The following RPH3A variants were observed in gnomAD, a reference collection of about 807,000 sequenced individuals.
RPH3A encodes rabphilin-3A.
In RPH3A, 48 loss-of-function variants were observed where a neutral mutation model predicts 102.2. The observed-to-expected ratio is 0.47, with a 90% CI of 0.37 to 0.60. RPH3A has a LOEUF of 0.60. RPH3A is among the 20% of genes least tolerant of loss of function. The pLI is 0.00. For synonymous variants in RPH3A, 310 were observed against 324.3 expected, an observed-to-expected ratio of 0.96 and a Z score of 0.47; for missense variants, 781 against 910.1, an observed-to-expected ratio of 0.86 and a Z score of 1.83.
At chr12:112,886,157 T>C (rs1176783761) in intron 16 of RPH3A, among the ~76,000 whole-genome samples, 1 of 152,132 alleles carries the variant, frequency 6.6e-6, no homozygotes, top group African/African-American at 2.4e-5. Flanking sequence ...AGTGCGGTAC[T>C]TTTACAGTCC....
intron 2 of RPH3A, among the ~76,000 whole-genome samples, chr12:112,798,230 G>GT (rs1307330316): frequency 6.6e-6 from 1 of 152,162 alleles, no homozygotes; most frequent in Non-Finnish European, 1.5e-5. Context: ...AGGAAGCTGG[G>GT]TTTTTTACCA....
chr12:112,617,335 G>C (rs2039688273), intron 1 of RPH3A, among the ~76,000 whole-genome samples: 1 of 152,112 alleles, frequency 6.6e-6, no homozygotes, highest in Non-Finnish European at 1.5e-5. Flanking sequence ...GGCTCCTTGG[G>C]GTGGCTCAGC....
chr12:112,693,418 C>T (rs969346597), intron 1 of RPH3A, among the ~76,000 whole-genome samples: 1 of 152,198 alleles, frequency 6.6e-6, no homozygotes, highest in Non-Finnish European at 1.5e-5. Context: ...TCTTTGGAAC[C>T]TTTCTGATGC....
chr12:112,610,036 C>T (rs1592905484), intron 1 of RPH3A, among the ~76,000 whole-genome samples: 1 of 152,184 alleles, frequency 6.6e-6, no homozygotes, highest in Admixed American at 6.5e-5. Context: ...TGACCGTGCC[C>T]TGCTCTCCCA....
Position 112,723,444 on chromosome 12 carries a change from G to A in RPH3A, c.-139-68699G>A, listed in dbSNP as rs571941916. The stretch of plus-strand genomic sequence containing the variant: ...AGTTTACATAGTCTGTTTACAAGAT[G>A]AATCATCTGTCTGAAACGGTGGGCA... On this transcript the variant is annotated intron_variant, in intron 1 of 21. Coordinates refer to the RPH3A transcript ENST00000543106. Among the ~76,000 whole-genome samples the A allele has an allele frequency of 5.9e-5, 9 of 152,286 alleles. No homozygotes were observed. The South Asian group carries it at 1.9e-3, about 32-fold the overall frequency.
chr12:112,725,131 C>T (rs1463585512), intron 1 of RPH3A, among the ~76,000 whole-genome samples: 4 of 151,666 alleles, frequency 2.6e-5, no homozygotes, highest in African/African-American at 9.7e-5. Context: ...CGCCTGTAAT[C>T]CCAGCTACTT....
chr12:112,712,986 C>A (rs536210223), intron 1 of RPH3A, among the ~76,000 whole-genome samples: 1 of 87,212 alleles, frequency 1.1e-5, no homozygotes. Context: ...TCTTCTTCGT[C>A]GTCTTTGTCT....
chr12:112,664,982 C>T (rs192445315), intron 1 of RPH3A, among the ~76,000 whole-genome samples: 212 of 152,184 alleles, frequency 1.4e-3, no homozygotes, highest in Admixed American at 2.2e-3. Context: ...ATAAATACCC[C>T]AGGTTGTCCT....
At chr12:112,890,808 C>T (rs774702185) in intron 18 of RPH3A, 41 bp from the exon 19 acceptor site, 9 of 1,600,982 alleles carry the variant, frequency 5.6e-6, no homozygotes, top group South Asian at 5.6e-5. Flanking sequence ...TTCCTGGCCC[C>T]CTCCCCTCCA....
At chr12:112,654,403 CT>C (rs940480637) in intron 1 of RPH3A, among the ~76,000 whole-genome samples, 13 of 150,806 alleles carry the variant, frequency 8.6e-5, no homozygotes, top group African/African-American at 2.2e-4. Flanking sequence ...TTTCTCTTGC[CT>C]TTTTTTTTCA....
chr12:112,868,288 G>C, intron 7 of RPH3A, 142 bp from the exon 8 acceptor site: 2 of 794,942 alleles, frequency 2.5e-6, no homozygotes, highest in Non-Finnish European at 3.9e-6. Flanking sequence ...ATTGTGCAGG[G>C]CTCTGTAGTA....
intron 2 of RPH3A, among the ~76,000 whole-genome samples, chr12:112,805,163 C>CT (rs1416120386): frequency 1.3e-5 from 2 of 152,128 alleles, no homozygotes; most frequent in Admixed American, 6.6e-5. Context: ...ATTGGTGCCC[C>CT]TTTTTTGTAA....
intron 1 of RPH3A, among the ~76,000 whole-genome samples, chr12:112,581,636 G>A (rs1028247521): frequency 6.6e-6 from 1 of 152,096 alleles, no homozygotes; most frequent in South Asian, 2.1e-4. Flanking sequence ...TTGGGCTGAA[G>A]TGATCCACCT....
chr12:112,804,454 C>T (rs1478936335), intron 2 of RPH3A, among the ~76,000 whole-genome samples: 1 of 152,232 alleles, frequency 6.6e-6, no homozygotes, highest in Non-Finnish European at 1.5e-5. Flanking sequence ...AAGTTGAAAC[C>T]ACACCCCTGT....
At chr12:112,883,227 C>A in intron 15 of RPH3A, 66 bp from the exon 16 acceptor site, 7 of 1,279,442 alleles carry the variant, frequency 5.5e-6, no homozygotes, top group Non-Finnish European at 6.7e-6. Flanking sequence ...TCAGCCCAAA[C>A]GATGGGGTTC....
intron 2 of RPH3A, among the ~76,000 whole-genome samples, chr12:112,814,410 G>A (rs2041635453): frequency 6.6e-6 from 1 of 152,090 alleles, no homozygotes; most frequent in African/African-American, 2.4e-5. Context: ...CCAACAAGTG[G>A]TTTTGCTGTT....
chr12:112,746,348 G>C (rs1363422546), intron 1 of RPH3A, among the ~76,000 whole-genome samples: 2 of 152,124 alleles, frequency 1.3e-5, no homozygotes, highest in African/African-American at 4.8e-5. Context: ...ATGCTCATGT[G>C]ACAAATGAAG....
chr12:112,811,299 A>G (rs1423801469), intron 2 of RPH3A, among the ~76,000 whole-genome samples: 5 of 152,182 alleles, frequency 3.3e-5, no homozygotes, highest in African/African-American at 1.2e-4. Context: ...CTCATTTAAT[A>G]TACTGTTGAT....
At chr12:112,811,567 C>G (rs1000804775) in intron 2 of RPH3A, among the ~76,000 whole-genome samples, 13 of 149,796 alleles carry the variant, frequency 8.7e-5, no homozygotes, top group Middle Eastern at 3.5e-3. Flanking sequence ...TACAGCATAA[C>G]AGCTGAAACA....
Sources: allele counts gnomAD v4.1 joint callset (sites outside exome capture counted in the v4.1 genomes callset), GRCh38; gene constraint gnomAD v4.1.1; transcripts MANE v1.5; gene names NCBI Gene and HGNC (gene_info 2026-07-23, HGNC 2026-07-21).